The following UGGT1 variants were observed in gnomAD, a reference collection of about 807,000 sequenced individuals.
The protein encoded by UGGT1 is UDP-glucose glycoprotein glucosyltransferase 1, also known as UDP-glucose:glycoprotein glucosyltransferase 1.
Under a neutral mutation model 203.9 loss-of-function variants are expected in UGGT1, and 107 were observed. That is an observed-to-expected ratio of 0.52 (90% CI 0.45 to 0.62). UGGT1 has a LOEUF of 0.62. Among genes scored for constraint, UGGT1 ranks in the 20% least tolerant of loss-of-function variants. UGGT1 has a pLI of 0.00. For missense variants in UGGT1, 1,673 were observed against 1,867.2 expected (o/e 0.90, Z 1.92); for synonymous variants, 628 against 653.5 (o/e 0.96, Z 0.59).
Position 128,161,238 on chromosome 2 carries a change from A to G in UGGT1, c.2795A>G (p.His932Arg). Residue 932 changes from histidine to arginine, a missense_variant, in exon 25 of 41, where the codon CAT becomes CGT. Physicochemically the swap from His to Arg is conservative, Grantham distance 29 (BLOSUM62 0). Around this residue, in one of 4 missense-constraint regions of UGGT1, gnomAD observed 1,073 missense variants for 1,078.7 expected, o/e 0.99. Transcript: ENST00000259253. ...ACCTCAGGACAGAAAATAAAATCTCATATTCAACAGCTTCGGGTAGAAGAA... is the reference window on the plus strand; with the variant it reads ...ACCTCAGGACAGAAAATAAAATCTCGTATTCAACAGCTTCGGGTAGAAGAA... ...LKTSGQKIKSHIQQLRVEEDV... is the reference protein window; with the variant it reads ...LKTSGQKIKSRIQQLRVEEDV... 1.2e-6 allele frequency: 2 copies of G among 1,611,140 alleles called. No homozygotes were observed. Among genetic ancestry groups the G allele is most frequent in the Non-Finnish European group, 1.7e-6 (2 of 1,177,356 alleles).
At chr2:128,162,882 C>A (rs973665103) in intron 25 of UGGT1, among the ~76,000 whole-genome samples, 6 of 152,270 alleles carry the variant, frequency 3.9e-5, no homozygotes, top group Middle Eastern at 3.4e-3. Context: ...TTAGGGAAAT[C>A]AGGTAGTCAT....
intron 15 of UGGT1, among the ~76,000 whole-genome samples, chr2:128,136,288 T>C (rs558004612): frequency 2.2e-4 from 33 of 152,380 alleles, no homozygotes; most frequent in Middle Eastern, 6.8e-3. Context: ...AAATGTATGA[T>C]GTAAAGTATT....
chr2:128,157,217 C>A, intron 21 of UGGT1, 35 bp from the exon 22 acceptor site: 1 of 1,472,042 alleles, frequency 6.8e-7, no homozygotes, highest in Non-Finnish European at 9.5e-7. Flanking sequence ...TGCTTCTCTC[C>A]TCTGACTCAA....
chr2:128,168,306 T>C (rs781286007), intron 26 of UGGT1, among the ~76,000 whole-genome samples: 8 of 152,184 alleles, frequency 5.3e-5, no homozygotes, highest in Non-Finnish European at 1.2e-4. Context: ...AGAAGAATAA[T>C]GATTGGCAGT....
In UGGT1 at chr2:128,097,583, T is replaced by C; in HGVS notation, c.194+19T>C. 3.7e-6 allele frequency: 6 copies of C among 1,612,938 alleles called. No individual in the cohort carries two copies. The highest frequency in any genetic ancestry group is 5.1e-6 in the Non-Finnish European group (6 of 1,179,614). On this transcript the variant is annotated intron_variant, in intron 2 of 40. Transcript: ENST00000259253. ...AAGCCAGGTAAGAGAACATTTTTTT[T>C]CCCTTCGTGTATTTGAGTATAAATA...
chr2:128,120,512 TA>T (rs1573526311), intron 9 of UGGT1, 56 bp downstream of exon 9: 2 of 1,394,570 alleles, frequency 1.4e-6, no homozygotes, highest in East Asian at 2.3e-5. Context: ...TTTATGGCTT[TA>T]AAAAATGCAA....
At chr2:128,115,660 A>G (rs1354054509) in intron 7 of UGGT1, among the ~76,000 whole-genome samples, 1 of 152,104 alleles carries the variant, frequency 6.6e-6, no homozygotes, top group Non-Finnish European at 1.5e-5. Flanking sequence ...TTAACAAACA[A>G]TTTTATGTTG....
At chr2:128,114,687 T>A (rs146314885) in intron 6 of UGGT1, among the ~76,000 whole-genome samples, 103 of 152,326 alleles carry the variant, frequency 6.8e-4, no homozygotes, top group African/African-American at 2.5e-3. Flanking sequence ...CTGTAGGTTC[T>A]GGAACTTCTT....
intron 2 of UGGT1, chr2:128,103,251 CA>C (rs1247725960): frequency 9.0e-6 from 3 of 332,780 alleles, no homozygotes; most frequent in African/African-American, 6.6e-5. Context: ...ATGAATCATT[CA>C]ATTACTACGT....
At chr2:128,168,924 G>T (rs914787611) in intron 26 of UGGT1, among the ~76,000 whole-genome samples, 1 of 151,978 alleles carries the variant, frequency 6.6e-6, no homozygotes, top group Non-Finnish European at 1.5e-5. Context: ...GCATGTGCCT[G>T]TAATCCCAGC....
intron 7 of UGGT1, 89 bp from the exon 8 acceptor site, chr2:128,116,176 T>G: frequency 9.9e-6 from 8 of 806,710 alleles, no homozygotes; most frequent in Non-Finnish European, 1.2e-5. Context: ...TTTCACATTA[T>G]TCAATTTTAT....
chr2:128,160,702 A>T, intron 24 of UGGT1, 111 bp downstream of exon 24: 3 of 1,428,486 alleles, frequency 2.1e-6, no homozygotes, highest in East Asian at 5.2e-5. Context: ...TTCAAAGGTG[A>T]TTGGGGCTTA....
At chr2:128,183,930 G>GTT in intron 38 of UGGT1, 141 bp downstream of exon 38, 1 of 559,420 alleles carries the variant, frequency 1.8e-6, no homozygotes, top group Non-Finnish European at 3.2e-6. Flanking sequence ...GTGTGTGTGT[G>GTT]TGTGTGTGAG....
chr2:128,177,668 A>G lies in UGGT1; in HGVS notation c.3625-164A>G, dbSNP rs1341125763. ...ATGATGTGAATGTCCTGGCGAAGAT[A>G]CTTCTATTGAATCCTTCTAGACTCT... On this transcript the variant is annotated intron_variant, in intron 32 of 40. Transcript: ENST00000259253. 2.6e-5 allele frequency among the ~76,000 whole-genome samples: 4 copies of G among 152,164 alleles called. No individual in the cohort carries two copies. In the South Asian group the frequency reaches 8.3e-4, roughly 32 times the overall value.
intron 40 of UGGT1, among the ~76,000 whole-genome samples, chr2:128,188,220 GT>G (rs1169690667): frequency 6.6e-6 from 1 of 150,998 alleles, no homozygotes. Flanking sequence ...ATTTTTTGTA[GT>G]TTTAGTAGAG....
At chr2:128,185,609 G>A (rs1691938118) in intron 38 of UGGT1, among the ~76,000 whole-genome samples, 3 of 151,816 alleles carry the variant, frequency 2.0e-5, no homozygotes, top group Non-Finnish European at 4.4e-5. Flanking sequence ...GAGCAGCTGG[G>A]ACGACAGGCT....
Position 128,192,318 on chromosome 2 carries a change from C to T in UGGT1, c.*2576C>T, listed in dbSNP as rs566618270. ...GGCATAATCATCTTTCAAAATTAAC[C>T]AAATGCCCCAGAAAATGATGTTACC... On this transcript the variant is annotated 3_prime_UTR_variant, in exon 41 of 41. Coordinates refer to ENST00000259253, the MANE Select transcript of UGGT1 (RefSeq NM_020120.4). 15 of 150,864 alleles carry T rather than the reference C, an allele frequency of 9.9e-5. No individual in the cohort carries two copies. The highest frequency in any genetic ancestry group is 3.7e-4 in the African/African-American group (15 of 40,966). The allele number at this position is 150,864 out of a possible 1,614,324, so 9.3% of individuals were successfully genotyped here.
In UGGT1 at chr2:128,108,058, C is replaced by T; in HGVS notation, c.398C>T (p.Ala133Val). 4.3e-6 allele frequency: 7 copies of T among 1,614,088 alleles called. No individual in the cohort carries two copies. The highest frequency in any genetic ancestry group is 5.9e-6 in the Non-Finnish European group (7 of 1,179,996). ...SLRSYSATIQ[A>V]FQQIAADEPP... The stretch of plus-strand genomic sequence containing the variant: ...CGTTCTTACTCAGCTACAATCCAAG[C>T]CTTCCAGCAGGTGGGTCCAGTGCTC... The change falls in exon 4 of 41, where the codon GCC becomes GTC. Residue 133 changes from alanine (A) to valine (V), a missense_variant. Ala to Val is a moderately conservative substitution (Grantham distance 64). Coordinates refer to ENST00000259253, the MANE Select transcript of UGGT1 (RefSeq NM_020120.4).
At chr2:128,094,428 G>C (rs1373727082) in intron 1 of UGGT1, among the ~76,000 whole-genome samples, 6 of 152,080 alleles carry the variant, frequency 3.9e-5, no homozygotes, top group Non-Finnish European at 8.8e-5. Flanking sequence ...ATCAATTCTG[G>C]TATAGTACTT....
Sources: allele counts gnomAD v4.1 joint callset (sites outside exome capture counted in the v4.1 genomes callset), GRCh38; gene constraint gnomAD v4.1.1; regional missense constraint gnomAD v4.1.1; transcripts MANE v1.5; gene names NCBI Gene and HGNC (gene_info 2026-07-23, HGNC 2026-07-21).